Variants in SLC35D2 observed in about 807,000 individuals in gnomAD.
The protein encoded by SLC35D2 is nucleotide sugar transporter SLC35D2.
In SLC35D2, 43 loss-of-function variants were observed where a neutral mutation model predicts 41.8. That is an observed-to-expected ratio of 1.03 (90% CI 0.81 to 1.33). SLC35D2 has a LOEUF of 1.33. Among genes scored for constraint, SLC35D2 ranks in the 40% most tolerant of loss-of-function variants. SLC35D2 has a pLI of 0.00. For missense variants in SLC35D2, 380 were observed against 408.4 expected (o/e 0.93, Z 0.60); for synonymous variants, 150 against 163.9 (o/e 0.92, Z 0.65).
intron 6 of SLC35D2, 29 bp from the exon 7 acceptor site, chr9:96,345,430 A>T (rs1402476719): frequency 7.5e-7 from 1 of 1,333,046 alleles, no homozygotes; most frequent in South Asian, 1.2e-5. Flanking sequence ...AGGGAGAATG[A>T]TTACTCAAAA....
intron 9 of SLC35D2, among the ~76,000 whole-genome samples, chr9:96,328,758 T>C (rs1052284715): frequency 1.3e-5 from 2 of 152,200 alleles, no homozygotes; most frequent in Non-Finnish European, 2.9e-5. Context: ...CAGGCCACTT[T>C]TGCATTCTTT....
intron 7 of SLC35D2, among the ~76,000 whole-genome samples, chr9:96,344,878 G>C (rs1829507960): frequency 6.6e-6 from 1 of 152,074 alleles, no homozygotes; most frequent in South Asian, 2.1e-4. Context: ...CCACAGATAA[G>C]GAAACTGAAG....
At chr9:96,343,672 A>G (rs1453545151) in intron 8 of SLC35D2, among the ~76,000 whole-genome samples, 1 of 152,198 alleles carries the variant, frequency 6.6e-6, no homozygotes, top group Non-Finnish European at 1.5e-5. Flanking sequence ...TTGTTTTCCA[A>G]AAAGTACCAA....
intron 3 of SLC35D2, among the ~76,000 whole-genome samples, chr9:96,361,810 A>G (rs1437895283): frequency 6.6e-6 from 1 of 151,996 alleles, no homozygotes; most frequent in East Asian, 1.9e-4. Flanking sequence ...TCTGTAAGCC[A>G]GGACGCAAAG....
At chr9:96,368,734 C>T (rs1830568418) in intron 1 of SLC35D2, among the ~76,000 whole-genome samples, 1 of 131,536 alleles carries the variant, frequency 7.6e-6, no homozygotes, top group African/African-American at 3.0e-5. Context: ...ATTATACTCC[C>T]TCTCTCTCTC....
At chr9:96,347,388 G>A (rs1330155872) in intron 6 of SLC35D2, among the ~76,000 whole-genome samples, 2 of 152,172 alleles carry the variant, frequency 1.3e-5, no homozygotes, top group African/African-American at 2.4e-5. Context: ...TGTTTGTTTA[G>A]GCCAGTGGTG....
chr9:96,331,072 A>G (rs12683453), intron 9 of SLC35D2, among the ~76,000 whole-genome samples: 20,307 of 152,114 alleles, frequency 0.13, 1,817 homozygotes, highest in East Asian at 0.29. Context: ...TGATTTTTGT[A>G]TATTTAGTAG....
intron 6 of SLC35D2, among the ~76,000 whole-genome samples, chr9:96,345,666 T>C (rs556184237): frequency 6.6e-6 from 1 of 152,354 alleles, no homozygotes; most frequent in Non-Finnish European, 1.5e-5. Context: ...TTTCTTTCGC[T>C]AGCTGATGAA....
At chr9:96,347,255 G>C (rs1312390854) in intron 6 of SLC35D2, among the ~76,000 whole-genome samples, 4 of 152,224 alleles carry the variant, frequency 2.6e-5, no homozygotes, top group Admixed American at 1.3e-4. Flanking sequence ...AAAGGGGATG[G>C]GGGGAGATGC....
chr9:96,383,448 A>G (rs1479104324), intron 1 of SLC35D2, 29 bp downstream of exon 1: 7 of 1,479,422 alleles, frequency 4.7e-6, no homozygotes, highest in Middle Eastern at 2.0e-4. Context: ...GCACTCCCGC[A>G]GACCCCCCGG....
chr9:96,319,790 G>T (rs776219473), downstream of SLC35D2, among the ~76,000 whole-genome samples: 2 of 152,170 alleles, frequency 1.3e-5, no homozygotes, highest in African/African-American at 4.8e-5. Flanking sequence ...GTGAACCGCC[G>T]CACCCAGCCA....
intron 1 of SLC35D2, among the ~76,000 whole-genome samples, chr9:96,370,949 C>T (rs1830648658): frequency 6.6e-6 from 1 of 152,124 alleles, no homozygotes; most frequent in African/African-American, 2.4e-5. Flanking sequence ...CCTTTAGAAA[C>T]ACCCAGGAGC....
intron 9 of SLC35D2, among the ~76,000 whole-genome samples, chr9:96,332,718 G>A (rs1292859145): frequency 1.3e-5 from 2 of 151,784 alleles, no homozygotes; most frequent in Non-Finnish European, 2.9e-5. Context: ...GGCAGAGGTT[G>A]CAGTGAGCCG....
chr9:96,363,869 T>C (rs895273905), intron 3 of SLC35D2, among the ~76,000 whole-genome samples: 5 of 152,188 alleles, frequency 3.3e-5, no homozygotes, highest in African/African-American at 9.7e-5. Context: ...GGTCTGACCC[T>C]TTACCAAAAA....
intron 6 of SLC35D2, among the ~76,000 whole-genome samples, chr9:96,349,041 C>T (rs981853447): frequency 6.6e-6 from 1 of 152,130 alleles, no homozygotes; most frequent in African/African-American, 2.4e-5. Context: ...GGGAGAAGCC[C>T]AGGGAATTTC....
intron 2 of SLC35D2, among the ~76,000 whole-genome samples, chr9:96,366,505 A>G (rs1587712386): frequency 7.0e-6 from 1 of 143,552 alleles, no homozygotes; most frequent in Non-Finnish European, 1.5e-5. Context: ...TACAAAGGAC[A>G]CCTTATCACT....
At chr9:96,373,556 G>A (rs944342893) in intron 1 of SLC35D2, among the ~76,000 whole-genome samples, 6 of 151,816 alleles carry the variant, frequency 4.0e-5, no homozygotes, top group Non-Finnish European at 7.4e-5. Context: ...GTGTGGTGGC[G>A]GGTGCCTATA....
chr9:96,375,324 T>A (rs185684549), intron 1 of SLC35D2, among the ~76,000 whole-genome samples: 23 of 152,106 alleles, frequency 1.5e-4, no homozygotes, highest in Admixed American at 1.3e-4. Flanking sequence ...ACGCCTGTAA[T>A]CCTAGCACTT....
intron 9 of SLC35D2, among the ~76,000 whole-genome samples, chr9:96,328,115 A>G (rs747696236): frequency 5.3e-5 from 8 of 152,236 alleles, no homozygotes; most frequent in Non-Finnish European, 1.2e-4. Flanking sequence ...GTGCAAGGGA[A>G]ACCTCACCAC....
Sources: gnomAD v4.1 joint callset for allele counts (sites outside exome capture counted in the v4.1 genomes callset) on GRCh38, gnomAD v4.1.1 for gene constraint, MANE v1.5 for transcripts, NCBI Gene and HGNC (gene_info 2026-07-23, HGNC 2026-07-21) for gene names.